Variants in SCAND3 observed in about 807,000 individuals in gnomAD.
The protein encoded by SCAND3 is SCAN domain-containing protein 3.
the SCAND3 span, chr6:28,574,698 G>A: frequency 6.2e-7 from 1 of 1,613,984 alleles, no homozygotes; most frequent in South Asian, 1.1e-5. Flanking sequence ...TTAGCATTTT[G>A]GAAGGTTTAA....
the SCAND3 span, among the ~76,000 whole-genome samples, chr6:28,600,734 A>T: frequency 1.1e-4 from 16 of 152,116 alleles, no homozygotes; most frequent in African/African-American, 1.7e-4. Flanking sequence ...CCCATAAAAA[A>T]TTTTTTGCAT....
the SCAND3 span, chr6:28,571,987 A>C: frequency 6.2e-7 from 1 of 1,613,996 alleles, no homozygotes; most frequent in Non-Finnish European, 8.5e-7. Flanking sequence ...TGCTACCCTC[A>C]GGGGATAATG....
the SCAND3 span, among the ~76,000 whole-genome samples, chr6:28,600,314 A>G: frequency 2.0e-5 from 3 of 152,176 alleles, no homozygotes; most frequent in Non-Finnish European, 4.4e-5. Context: ...GATTCTCAAC[A>G]TCATACGTCA....
the SCAND3 span, among the ~76,000 whole-genome samples, chr6:28,597,564 G>T: frequency 6.6e-6 from 1 of 152,242 alleles, no homozygotes; most frequent in South Asian, 2.1e-4. Context: ...GGTACATTTC[G>T]CAGCAACCAC....
At chr6:28,599,457 C>T in the SCAND3 span, among the ~76,000 whole-genome samples, 156 of 152,266 alleles carry the variant, frequency 1.0e-3, no homozygotes, top group Admixed American at 2.5e-3. Context: ...GGTGTGTCCC[C>T]GCTCAAATCT....
At chr6:28,595,330 C>CAAAA in the SCAND3 span, among the ~76,000 whole-genome samples, 1,000 of 37,202 alleles carry the variant, frequency 0.027, 126 homozygotes, top group Admixed American at 0.037. Flanking sequence ...AACCCAGTCT[C>CAAAA]AAAAAAAAAA....
chr6:28,586,879 A>C, the SCAND3 span: 1 of 619,722 alleles, frequency 1.6e-6, no homozygotes. The surrounding 1 kb of genome is among the most constrained non-coding windows in gnomAD (Gnocchi z 4.4). Flanking sequence ...GGACTTGTTT[A>C]CGTGACAACA....
At chr6:28,602,873 G>A in the SCAND3 span, among the ~76,000 whole-genome samples, 4 of 150,000 alleles carry the variant, frequency 2.7e-5, no homozygotes, top group Non-Finnish European at 4.4e-5. Context: ...GGACTGTTGA[G>A]TAAAAGAAAA....
the SCAND3 span, chr6:28,572,564 A>T: frequency 6.2e-7 from 1 of 1,614,086 alleles, no homozygotes; most frequent in Non-Finnish European, 8.5e-7. This position sits in a 1 kb window ranked among gnomAD's most constrained non-coding sequence, Gnocchi z 4.1. Flanking sequence ...AAAATACTGA[A>T]GATATCAGAC....
the SCAND3 span, among the ~76,000 whole-genome samples, chr6:28,604,866 T>C: frequency 5.3e-5 from 8 of 152,174 alleles, no homozygotes; most frequent in Non-Finnish European, 1.0e-4. Context: ...TGTAGTAATC[T>C]TTATTATTAA....
the SCAND3 span, chr6:28,586,221 C>T: frequency 3.9e-6 from 5 of 1,288,028 alleles, no homozygotes; most frequent in Non-Finnish European, 5.4e-6. The surrounding 1 kb of genome is among the most constrained non-coding windows in gnomAD (Gnocchi z 4.4). Context: ...ACCACCAGCG[C>T]GAAATTACTC....
the SCAND3 span, among the ~76,000 whole-genome samples, chr6:28,606,755 A>T: frequency 2.0e-5 from 3 of 152,136 alleles, no homozygotes; most frequent in African/African-American, 7.2e-5. Context: ...AACGGAAGTG[A>T]TTTGAGGGTC....
chr6:28,613,096 C>T, the SCAND3 span, among the ~76,000 whole-genome samples: 1 of 152,100 alleles, frequency 6.6e-6, no homozygotes. Context: ...ATAAAATATA[C>T]ACTCAACAAC....
chr6:28,608,991 CT>C, the SCAND3 span, among the ~76,000 whole-genome samples: 1 of 149,926 alleles, frequency 6.7e-6, no homozygotes, highest in Non-Finnish European at 1.5e-5. Context: ...GAAACACTGT[CT>C]GAAAAAAAAG....
the SCAND3 span, among the ~76,000 whole-genome samples, chr6:28,599,389 T>A: frequency 6.6e-6 from 1 of 152,210 alleles, no homozygotes; most frequent in African/African-American, 2.4e-5. Context: ...AAACTAACAT[T>A]ACCCAATGTC....
the SCAND3 span, among the ~76,000 whole-genome samples, chr6:28,604,210 T>C: frequency 6.6e-6 from 1 of 152,234 alleles, no homozygotes; most frequent in Non-Finnish European, 1.5e-5. Flanking sequence ...TCAGCTTGCT[T>C]CACATGTTCC....
chr6:28,583,091 T>A, the SCAND3 span, among the ~76,000 whole-genome samples: 1 of 151,636 alleles, frequency 6.6e-6, no homozygotes, highest in South Asian at 2.1e-4. Flanking sequence ...AAGGATATAA[T>A]CATCAAAAAT....
At chr6:28,596,879 G>A in the SCAND3 span, among the ~76,000 whole-genome samples, 1 of 152,092 alleles carries the variant, frequency 6.6e-6, no homozygotes, top group African/African-American at 2.4e-5. Context: ...ATTTCAGTAA[G>A]GTTAAAATTA....
At chr6:28,574,532 T>C in the SCAND3 span, 1 of 909,202 alleles carries the variant, frequency 1.1e-6, no homozygotes, top group Non-Finnish European at 1.7e-6. Context: ...GGGAAATATA[T>C]CCAAGGTAAT....
Sources: gnomAD v4.1 joint callset for allele counts (sites outside exome capture counted in the v4.1 genomes callset) on GRCh38, gnomAD v4.1.1 for gene constraint, Gnocchi (gnomAD v3.1) non-coding constraint, MANE v1.5 for transcripts, NCBI Gene and HGNC (gene_info 2026-07-23, HGNC 2026-07-21) for gene names.